Variants in LIG1 observed in about 807,000 individuals in gnomAD.
The protein encoded by LIG1 is ligase I, DNA, ATP-dependent.
LIG1 carries 70 observed loss-of-function variants against 115.7 expected under a neutral mutation model. The ratio of observed to expected loss-of-function variants is 0.60; its 90% CI spans 0.50 to 0.74. LIG1 has a LOEUF of 0.74. Among genes scored for constraint, LIG1 ranks in the 30% least tolerant of loss-of-function variants. The pLI is 0.00. For missense variants in LIG1, 1,115 were observed against 1,225.6 expected, an observed-to-expected ratio of 0.91 and a Z score of 1.35; for synonymous variants, 487 against 495.3, an observed-to-expected ratio of 0.98 and a Z score of 0.22.
intron 17 of LIG1, among the ~76,000 whole-genome samples, chr19:48,133,699 G>A (rs984683454): frequency 2.0e-5 from 3 of 152,078 alleles, no homozygotes; most frequent in African/African-American, 7.2e-5. Flanking sequence ...GGGCTCAAGC[G>A]ATCCTCCCAC....
At chr19:48,129,841 C>T (rs1429644233) in intron 19 of LIG1, among the ~76,000 whole-genome samples, 3 of 152,162 alleles carry the variant, frequency 2.0e-5, no homozygotes, top group African/African-American at 4.8e-5. Flanking sequence ...CTGCAACCTC[C>T]GCCTCCTGGG....
At chr19:48,162,041 T>C (rs568055604) in intron 3 of LIG1, among the ~76,000 whole-genome samples, 1 of 152,284 alleles carries the variant, frequency 6.6e-6, no homozygotes, top group Admixed American at 6.5e-5. Flanking sequence ...TGTCTGGTTC[T>C]AGAACGAGGC....
At chr19:48,130,724 CCT>C (rs2033963675) in intron 19 of LIG1, among the ~76,000 whole-genome samples, 1 of 152,146 alleles carries the variant, frequency 6.6e-6, no homozygotes, top group African/African-American at 2.4e-5. Flanking sequence ...ATCCCTTTTC[CCT>C]CTTTCTGTCT....
At chr19:48,150,038 G>T in intron 8 of LIG1, 50 bp downstream of exon 8, 1 of 1,613,180 alleles carries the variant, frequency 6.2e-7, no homozygotes, top group Non-Finnish European at 8.5e-7. Context: ...AGGCTCACCA[G>T]CCTCCTGCCT....
Position 48,134,050 on chromosome 19 carries a change from C to T in LIG1, c.1540G>A (p.Asp514Asn). ...TCCAGCAGCACGGGGATAATTCGGT[C>T]CAGGTCGGGAACCTCGCTGGGGTGG... ...KQTFCEVPDL[D>N]RIIPVLLEHG... The change falls in exon 17 of 28, where the codon GAC becomes AAC. Residue 514 changes from aspartate to asparagine, a missense_variant. Asp to Asn is a conservative substitution (Grantham distance 23). Coordinates refer to ENST00000263274, the MANE Select transcript of LIG1 (RefSeq NM_000234.3). 1 of 1,556,742 alleles carries T rather than the reference C, an allele frequency of 6.4e-7. No homozygotes were observed. Among genetic ancestry groups the T allele is most frequent in the East Asian group, 2.4e-5 (1 of 41,300 alleles).
intron 18 of LIG1, among the ~76,000 whole-genome samples, chr19:48,131,424 CATGTGGGTGCTGATTTGTTTAA>C (rs2122536805): frequency 6.6e-6 from 1 of 152,326 alleles, no homozygotes; most frequent in East Asian, 1.9e-4. Context: ...CACCTTGCTG[CATGTGGGTGCTGATTTGTTTAA>C]ATGTCATTAT....
rs370802542 is a variant in LIG1, at chr19:48,156,938, CAAAAAA to C, written c.370+70_370+75del. On this transcript the variant is annotated intron_variant, in intron 5 of 27. Coordinates refer to ENST00000263274, the MANE Select transcript of LIG1 (RefSeq NM_000234.3). Reference sequence around the variant, plus strand: ...TAGGCAACAGAGCGAGACTATGTCTCAAAAAAAAAAAAAAAAAAAAAAAAGAGAAAA... The same window carrying C: ...TAGGCAACAGAGCGAGACTATGTCTCAAAAAAAAAAAAAAAAAAGAGAAAA... 289 of 610,422 alleles carry C rather than the reference CAAAAAA, an allele frequency of 4.7e-4. No homozygotes were observed. The East Asian group carries it at 5.2e-3, about 11-fold the overall frequency. The allele number at this position is 610,422 out of a possible 1,614,324, so 37.8% of individuals were successfully genotyped here.
At chr19:48,156,850 A>G (rs1282230573) in intron 5 of LIG1, among the ~76,000 whole-genome samples, 164 bp downstream of exon 5, 1 of 148,886 alleles carries the variant, frequency 6.7e-6, no homozygotes, top group Non-Finnish European at 1.5e-5. Context: ...CTAAGGCAGG[A>G]GAATCGTTTG....
rs376428006 is a variant in LIG1, at chr19:48,136,041, C to T, written c.1416G>A (p.Pro472=). ...ALSQAVSLTP[P]GQEFPPAMVD... is the part of the protein sequence containing the mutation. The stretch of plus-strand genomic sequence containing the variant: ...CGGGCCACAGGAGCTCACCTTGGCC[C>T]GGGGGCGTGAGGCTCACTGCCTGGG... The change falls in exon 15 of 28, where the codon CCG becomes CCA. Residue 472 remains proline (P), a synonymous_variant. Transcript: ENST00000263274. 53 of 1,563,546 alleles carry T rather than the reference C, an allele frequency of 3.4e-5. No individual in the cohort carries two copies. The highest frequency in any genetic ancestry group is 3.4e-4 in the African/African-American group (25 of 73,776).
chr19:48,145,714 A>G (rs1031352832), intron 9 of LIG1, among the ~76,000 whole-genome samples: 2 of 152,166 alleles, frequency 1.3e-5, no homozygotes, highest in Non-Finnish European at 2.9e-5. Flanking sequence ...CTAGAACCAC[A>G]ATGCTGCCAC....
Position 48,157,826 on chromosome 19 carries a change from G to A in LIG1, c.244-686C>T, listed in dbSNP as rs551685536. On this transcript the variant is annotated intron_variant, in intron 4 of 27. Transcript: ENST00000263274. ...CCTCCAGAGCACTGAGAATACAGGC[G>A]TGAGCCCCCGTGCCCAGCCTTCTCT... 7.9e-5 allele frequency among the ~76,000 whole-genome samples: 12 copies of A among 152,278 alleles called. No individual in the cohort carries two copies. The South Asian group carries it at 1.9e-3, about 24-fold the overall frequency.
chr19:48,117,577 G>T, intron 26 of LIG1, 61 bp downstream of exon 26: 1 of 1,578,928 alleles, frequency 6.3e-7, no homozygotes. Context: ...TCCCTACTCT[G>T]CTCTCTGTGT....
intron 17 of LIG1, chr19:48,133,492 C>G: frequency 3.2e-6 from 1 of 315,126 alleles, no homozygotes; most frequent in Non-Finnish European, 6.1e-6. Context: ...CCGGGTCATC[C>G]CTGGGACACA....
At chr19:48,162,983 C>T (rs1226995840) in intron 2 of LIG1, among the ~76,000 whole-genome samples, 2 of 151,702 alleles carry the variant, frequency 1.3e-5, no homozygotes, top group East Asian at 1.9e-4. Flanking sequence ...GGTGTGATCT[C>T]GGCTCACTGC....
intron 2 of LIG1, among the ~76,000 whole-genome samples, chr19:48,165,332 G>A (rs201181015): frequency 1.3e-5 from 2 of 152,122 alleles, no homozygotes; most frequent in South Asian, 2.1e-4. Context: ...GAACCACTGC[G>A]TTAGGGTTTC....
rs3731032 is a variant in LIG1 at position 48,120,445 on chromosome 19, C to A, written c.2385+725G>T. 614 of 985,130 alleles carry A rather than the reference C, an allele frequency of 6.2e-4. 4 individuals are homozygous for A. In the African/African-American group the frequency reaches 1.0e-2, roughly 16 times the overall value. The allele number at this position is 985,130 out of a possible 1,614,324, so 61.0% of individuals were successfully genotyped here. A position where few individuals can be genotyped will look rare whatever the true frequency, so the allele number is the denominator to read the frequency against. Reference sequence around the variant, plus strand: ...CACTACTGCGTGTCTCTGGGTGGTACGATTCTAGGTGATATTTTGTTCTGT... The same window carrying A: ...CACTACTGCGTGTCTCTGGGTGGTAAGATTCTAGGTGATATTTTGTTCTGT... On this transcript the variant is annotated intron_variant, in intron 24 of 27. Coordinates refer to ENST00000263274, the MANE Select transcript of LIG1 (RefSeq NM_000234.3).
At chr19:48,164,728 T>C (rs972404975) in intron 2 of LIG1, among the ~76,000 whole-genome samples, 4 of 152,202 alleles carry the variant, frequency 2.6e-5, no homozygotes, top group African/African-American at 9.7e-5. Flanking sequence ...CTGAGGCTGT[T>C]TACTCCAGCA....
chr19:48,151,236 G>T lies in LIG1; in HGVS notation c.570C>A (p.Thr190=). ...AGGAGAGGACCAGAAACTCACTGGA[G>T]GTCTTTAGGGGCTTGGGAGGCGTGG... ...QPTTPPKPLK[T]SKAETPTESV... is the part of the protein sequence containing the mutation. Residue 190 remains threonine, a synonymous_variant, in exon 7 of 28, where the codon ACC becomes ACA. Coordinates refer to ENST00000263274, the MANE Select transcript of LIG1 (RefSeq NM_000234.3). 1 of 1,609,058 alleles carries T rather than the reference G, an allele frequency of 6.2e-7. No individual in the cohort carries two copies. Among genetic ancestry groups the T allele is most frequent in the Non-Finnish European group, 8.5e-7 (1 of 1,175,444 alleles).
Position 48,123,427 on chromosome 19 carries a change from G to A in LIG1, c.2005-109C>T, listed in dbSNP as rs138776333. ...ATGTGCGGGTCACAACTAGTGACAG[G>A]GTTCGTGGAAAGCCTTGAGAGGGAA... On this transcript the variant is annotated intron_variant, in intron 21 of 27. Coordinates refer to ENST00000263274, the MANE Select transcript of LIG1 (RefSeq NM_000234.3). 7.2e-5 allele frequency: 95 copies of A among 1,322,472 alleles called. No individual in the cohort carries two copies. In the Admixed American group the frequency reaches 9.7e-4, roughly 13 times the overall value. 81.9% of individuals were successfully genotyped at this position (1,322,472 alleles called of 1,614,324 possible). A position where few individuals can be genotyped will look rare whatever the true frequency, so the allele number is the denominator to read the frequency against.
Sources: allele counts gnomAD v4.1 joint callset (sites outside exome capture counted in the v4.1 genomes callset), GRCh38; gene constraint gnomAD v4.1.1; transcripts MANE v1.5; gene names NCBI Gene and HGNC (gene_info 2026-07-23, HGNC 2026-07-21).